The following SPHKAP variants were observed in gnomAD, a reference collection of about 807,000 sequenced individuals.
SPHKAP encodes the protein SPHK1 interactor, AKAP domain containing, also known as A-kinase anchor protein SPHKAP.
Under a neutral mutation model 137.5 loss-of-function variants are expected in SPHKAP, and 67 were observed. The ratio of observed to expected loss-of-function variants is 0.49; its 90% CI spans 0.40 to 0.60. SPHKAP has a LOEUF of 0.60. SPHKAP is among the 20% of genes least tolerant of loss of function. The probability of loss-of-function intolerance (pLI) is 0.00; values close to 1 mark genes in which losing one functional copy is unlikely to be tolerated. For synonymous variants in SPHKAP, 813 were observed against 785.3 expected, an observed-to-expected ratio of 1.04 and a Z score of -0.59; for missense variants, 2,097 against 2,069.3, an observed-to-expected ratio of 1.01 and a Z score of -0.26.
At chr2:228,116,130 T>A (rs1222293163) in intron 2 of SPHKAP, among the ~76,000 whole-genome samples, 1 of 152,152 alleles carries the variant, frequency 6.6e-6, no homozygotes, top group African/African-American at 2.4e-5. Context: ...GTTTAACGTA[T>A]TTTGTGATAG....
chr2:228,163,515 G>A (rs745312266), intron 1 of SPHKAP, among the ~76,000 whole-genome samples: 13 of 151,932 alleles, frequency 8.6e-5, no homozygotes, highest in East Asian at 1.9e-4. Flanking sequence ...TCTCTCTCTC[G>A]TTTACTCCTT....
chr2:228,017,670 GCGCCTGCCACATGC>G lies in SPHKAP; in HGVS notation c.3170_3183del (p.Gly1057AlafsTer27). ...AGTAACCGATTCCGGGGATAGCCCT[GCGCCTGCCACATGC>G]CGTCCACCATAGAGAACTCCGTTAG... On this transcript the variant is annotated frameshift_variant, in exon 7 of 12. Coordinates refer to ENST00000392056, the MANE Select transcript of SPHKAP (RefSeq NM_001142644.2). LOFTEE classifies it high-confidence loss of function. 1 of 1,613,944 alleles carries G rather than the reference GCGCCTGCCACATGC, an allele frequency of 6.2e-7. No individual in the cohort carries two copies. Among genetic ancestry groups the G allele is most frequent in the Non-Finnish European group, 8.5e-7 (1 of 1,180,018 alleles).
chr2:228,080,194 T>C (rs1336507964), intron 3 of SPHKAP, among the ~76,000 whole-genome samples: 1 of 152,036 alleles, frequency 6.6e-6, no homozygotes. Context: ...AGACAACATA[T>C]GGAGTGGGAG....
At chr2:228,053,954 G>A (rs1182110783) in intron 3 of SPHKAP, among the ~76,000 whole-genome samples, 1 of 152,172 alleles carries the variant, frequency 6.6e-6, no homozygotes, top group Non-Finnish European at 1.5e-5. Context: ...AATCACCTAT[G>A]TTTAGTGCAT....
intron 3 of SPHKAP, among the ~76,000 whole-genome samples, chr2:228,047,466 CA>C (rs1229956684): frequency 0.014 from 1,422 of 99,352 alleles, 19 homozygotes; most frequent in African/African-American, 0.055. Context: ...AACTCCATCT[CA>C]AAAAAAAAAA....
chr2:228,100,144 C>T (rs1057338664), intron 3 of SPHKAP, among the ~76,000 whole-genome samples: 4 of 152,114 alleles, frequency 2.6e-5, no homozygotes, highest in Admixed American at 1.3e-4. Flanking sequence ...GCCACTGCGC[C>T]CGGCCCTGGA....
chr2:228,039,202 T>C (rs574171823), intron 3 of SPHKAP, among the ~76,000 whole-genome samples: 17 of 152,348 alleles, frequency 1.1e-4, no homozygotes, highest in Non-Finnish European at 2.5e-4. Flanking sequence ...ACACACATCA[T>C]CCCGAAAGAA....
chr2:228,006,545 A>C (rs1184925407), intron 7 of SPHKAP, among the ~76,000 whole-genome samples: 2 of 152,152 alleles, frequency 1.3e-5, no homozygotes, highest in East Asian at 3.9e-4. Flanking sequence ...CATCTCGTCA[A>C]AGTCATTCTC....
At chr2:228,032,311 G>A (rs2106241051) in intron 3 of SPHKAP, among the ~76,000 whole-genome samples, 1 of 152,192 alleles carries the variant, frequency 6.6e-6, no homozygotes, top group South Asian at 2.1e-4. Context: ...ATGAAATGAA[G>A]CGAGAAGGGA....
At chr2:228,141,279 T>C (rs913363683) in intron 1 of SPHKAP, among the ~76,000 whole-genome samples, 5 of 152,194 alleles carry the variant, frequency 3.3e-5, no homozygotes, top group African/African-American at 9.6e-5. Context: ...AGTTTTCTCA[T>C]CTGTAAAATG....
intron 3 of SPHKAP, among the ~76,000 whole-genome samples, chr2:228,096,133 C>A (rs1697974303): frequency 6.6e-6 from 1 of 151,946 alleles, no homozygotes; most frequent in Non-Finnish European, 1.5e-5. Flanking sequence ...ACTAATAAAA[C>A]GTGGGCAAAG....
chr2:228,018,488 T>C lies in SPHKAP; in HGVS notation c.2366A>G (p.Asp789Gly), dbSNP rs1305229971. Residue 789 changes from aspartate to glycine, a missense_variant, in exon 7 of 12, where the codon GAT becomes GGT. Transcript: ENST00000392056. Reference sequence around the variant, plus strand: ...CTTGTCTTGTTTTGAATACATGCCATCCACAAGATTGTTGATGACAAGACT... The same window carrying C: ...CTTGTCTTGTTTTGAATACATGCCACCCACAAGATTGTTGATGACAAGACT... ...NTSLVINNLV[D>G]GMYSKQDKGG... The C allele has an allele frequency of 1.4e-5, 23 of 1,614,052 alleles. No homozygotes were observed. Among genetic ancestry groups the C allele is most frequent in the Non-Finnish European group, 1.9e-5 (23 of 1,180,020 alleles).
chr2:228,069,472 G>A (rs1696939914), intron 3 of SPHKAP, among the ~76,000 whole-genome samples: 2 of 147,712 alleles, frequency 1.4e-5, no homozygotes. Context: ...TTTAGAGATG[G>A]GGGGGTCTCA....
rs11336381 is a variant in SPHKAP at position 228,093,859 on chromosome 2, C to CAAAAAAAAAAAAAAAAAA, written c.246+14955_246+14972dup. ...TGGGCGACAGGGCAAGACTCCGTTTCAAAAAAAAAAAAAAAAAAAAAAAAA... is the reference window on the plus strand; with the variant it reads ...TGGGCGACAGGGCAAGACTCCGTTTCAAAAAAAAAAAAAAAAAAAAAAAAAAAAAAAAAAAAAAAAAAA... On this transcript the variant is annotated intron_variant, in intron 3 of 11. Coordinates refer to ENST00000392056, the MANE Select transcript of SPHKAP (RefSeq NM_001142644.2). Among the ~76,000 whole-genome samples the CAAAAAAAAAAAAAAAAAA allele has an allele frequency of 5.2e-5, 4 of 77,112 alleles. 1 individual carries two copies. Among genetic ancestry groups the CAAAAAAAAAAAAAAAAAA allele is most frequent in the Non-Finnish European group, 7.0e-5 (3 of 42,970 alleles). 50.6% of individuals were successfully genotyped at this position (77,112 alleles called of 152,430 possible). A position where few individuals can be genotyped will look rare whatever the true frequency, so the allele number is the denominator to read the frequency against.
chr2:228,024,805 G>A (rs1238539264), intron 5 of SPHKAP, among the ~76,000 whole-genome samples: 3 of 152,034 alleles, frequency 2.0e-5, no homozygotes, highest in African/African-American at 7.2e-5. Flanking sequence ...AATAAATAAT[G>A]TTATAGTGAT....
chr2:228,026,374 C>CT (rs1209088742), intron 4 of SPHKAP, among the ~76,000 whole-genome samples: 1 of 152,086 alleles, frequency 6.6e-6, no homozygotes, highest in Non-Finnish European at 1.5e-5. Context: ...ATGCTAGAGC[C>CT]TGTATATATG....
Position 227,981,614 on chromosome 2 carries a change from A to AATGTG in SPHKAP, c.*98_*102dup. 1 of 1,427,200 alleles carries AATGTG rather than the reference A, an allele frequency of 7.0e-7. No homozygotes were observed. The allele number at this position is 1,427,200 out of a possible 1,614,324, so 88.4% of individuals were successfully genotyped here. ...GCAGATTTTTTTTTATAGTTCTGCT[A>AATGTG]ATGTGATGTGATGTTTTGAGAATGT... On this transcript the variant is annotated 3_prime_UTR_variant, in exon 12 of 12. Transcript: ENST00000392056.
intron 2 of SPHKAP, among the ~76,000 whole-genome samples, chr2:228,124,271 G>A (rs1422561049): frequency 3.3e-5 from 5 of 152,004 alleles, no homozygotes; most frequent in Admixed American, 1.3e-4. Context: ...GCTGCTATAA[G>A]GACACATGCA....
intron 1 of SPHKAP, among the ~76,000 whole-genome samples, chr2:228,166,722 A>G (rs912927454): frequency 1.3e-5 from 2 of 152,160 alleles, no homozygotes; most frequent in African/African-American, 4.8e-5. Flanking sequence ...AATGACTATG[A>G]TCTATAAGAG....
Sources: allele counts gnomAD v4.1 joint callset (sites outside exome capture counted in the v4.1 genomes callset), GRCh38; gene constraint gnomAD v4.1.1; transcripts MANE v1.5; gene names NCBI Gene and HGNC (gene_info 2026-07-23, HGNC 2026-07-21).